RBFOX1: variants seen among roughly 807,000 people sequenced by gnomAD.
The protein encoded by RBFOX1 is RNA binding protein fox-1 homolog 1.
A neutral mutation model predicts 57.7 loss-of-function variants in RBFOX1; 8 were observed. The ratio of observed to expected loss-of-function variants is 0.14; its 90% confidence interval spans 0.08 to 0.25. The LOEUF (loss-of-function observed/expected upper bound fraction) is 0.25. Among genes scored for constraint, RBFOX1 ranks in the 10% least tolerant of loss-of-function variants. The pLI, the probability that RBFOX1 is intolerant of heterozygous loss-of-function variation, is 1.00. For synonymous variants in RBFOX1, 326 were observed against 222.4 expected, an observed-to-expected ratio of 1.47 and a Z score of -4.15; for missense variants, 611 against 548.5, an observed-to-expected ratio of 1.11 and a Z score of -1.14.
At chr16:5,452,649 CTT>C (rs886561170) in intron 1 of RBFOX1, among the ~76,000 whole-genome samples, 1 of 144,570 alleles carries the variant, frequency 6.9e-6, no homozygotes, top group African/African-American at 2.5e-5. Context: ...TAAACCTTGA[CTT>C]TTTTTTTTTT....
intron 1 of RBFOX1, among the ~76,000 whole-genome samples, chr16:5,306,904 A>G (rs1348394302): frequency 2.0e-5 from 3 of 152,212 alleles, no homozygotes; most frequent in Admixed American, 1.3e-4. Context: ...GGTCTAAGTC[A>G]AGGAGAATCA....
intron 4 of RBFOX1, among the ~76,000 whole-genome samples, chr16:7,353,900 A>G (rs932464240): frequency 1.3e-5 from 2 of 152,212 alleles, no homozygotes; most frequent in African/African-American, 4.8e-5. Flanking sequence ...AGAATTGTAC[A>G]ACTATCACCA....
chr16:6,083,734 C>A (rs879501417), intron 1 of RBFOX1, among the ~76,000 whole-genome samples: 4 of 152,168 alleles, frequency 2.6e-5, no homozygotes, highest in Non-Finnish European at 5.9e-5. Flanking sequence ...ACCTTGGCCT[C>A]CCAAAGTGCT....
At chr16:6,977,899 G>C (rs2087505062) in intron 3 of RBFOX1, among the ~76,000 whole-genome samples, 1 of 143,468 alleles carries the variant, frequency 7.0e-6, no homozygotes, top group African/African-American at 2.8e-5. Context: ...TCTCTAGGGA[G>C]ATCCCAAGAG....
intron 1 of RBFOX1, among the ~76,000 whole-genome samples, chr16:6,145,383 T>G (rs2096750090): frequency 6.6e-6 from 1 of 152,232 alleles, no homozygotes; most frequent in African/African-American, 2.4e-5. Flanking sequence ...TTTTAATGGC[T>G]GCATAGTATT....
At chr16:5,716,340 G>A (rs552885970) in intron 3 of RBFOX1, among the ~76,000 whole-genome samples, 1 of 152,190 alleles carries the variant, frequency 6.6e-6, no homozygotes, top group African/African-American at 2.4e-5. Context: ...TGTACAGATT[G>A]TTTCATCCCC....
At chr16:5,343,213 C>A (rs945371550) in intron 1 of RBFOX1, among the ~76,000 whole-genome samples, 2 of 150,654 alleles carry the variant, frequency 1.3e-5, no homozygotes, top group African/African-American at 4.9e-5. Flanking sequence ...GACATTGTTG[C>A]TTGATCAAAC....
At chr16:5,818,061 C>G (rs776187614) in intron 3 of RBFOX1, among the ~76,000 whole-genome samples, 1 of 152,104 alleles carries the variant, frequency 6.6e-6, no homozygotes, top group South Asian at 2.1e-4. Context: ...CAGTTTTAAG[C>G]AGGAGACAGG....
At chr16:5,331,363 T>C (rs2064752123) in intron 1 of RBFOX1, among the ~76,000 whole-genome samples, 1 of 152,234 alleles carries the variant, frequency 6.6e-6, no homozygotes, top group African/African-American at 2.4e-5. Context: ...TACTATGTTC[T>C]CTTGGATTGT....
intron 4 of RBFOX1, among the ~76,000 whole-genome samples, chr16:7,377,422 G>C (rs968234035): frequency 6.6e-6 from 1 of 152,182 alleles, no homozygotes; most frequent in Non-Finnish European, 1.5e-5. Flanking sequence ...CACAGGAAGA[G>C]TTTCTGAAGA....
At chr16:5,626,021 C>T (rs967621486) in intron 3 of RBFOX1, among the ~76,000 whole-genome samples, 1 of 152,182 alleles carries the variant, frequency 6.6e-6, no homozygotes, top group Non-Finnish European at 1.5e-5. Flanking sequence ...GGATTACAGG[C>T]ATGTGCCACC....
At chr16:6,156,531 A>C (rs184482165) in intron 1 of RBFOX1, among the ~76,000 whole-genome samples, 41 of 152,268 alleles carry the variant, frequency 2.7e-4, no homozygotes, top group African/African-American at 9.4e-4. Context: ...GAGAATGCTT[A>C]TTTTCTTTCT....
At chr16:7,623,223 G>C (rs2059577593) in intron 10 of RBFOX1, among the ~76,000 whole-genome samples, 1 of 152,176 alleles carries the variant, frequency 6.6e-6, no homozygotes, top group Non-Finnish European at 1.5e-5. Flanking sequence ...CACCCGGGTT[G>C]GGTTTTGTGG....
chr16:6,931,897 G>A (rs7197259), intron 3 of RBFOX1, among the ~76,000 whole-genome samples: 87,209 of 151,960 alleles, frequency 0.57, 27,189 homozygotes, highest in African/African-American at 0.83. Context: ...TGGCAAGAGC[G>A]CATGTGAGAG....
chr16:7,019,011 G>A (rs1306695652), intron 3 of RBFOX1, among the ~76,000 whole-genome samples: 1 of 151,926 alleles, frequency 6.6e-6, no homozygotes, highest in Non-Finnish European at 1.5e-5. Flanking sequence ...CAAAAAGAAA[G>A]CGTTCTTGTT....
chr16:5,929,834 A>G (rs1054683480), intron 4 of RBFOX1, among the ~76,000 whole-genome samples: 1 of 147,412 alleles, frequency 6.8e-6, no homozygotes, highest in Admixed American at 6.7e-5. Flanking sequence ...GGAGTAGGCT[A>G]GAAGGTAAGT....
intron 1 of RBFOX1, among the ~76,000 whole-genome samples, chr16:6,042,847 T>C (rs915417927): frequency 6.6e-6 from 1 of 152,124 alleles, no homozygotes; most frequent in Non-Finnish European, 1.5e-5. Context: ...CAGATCATAG[T>C]TGGATTCAAA....
At chr16:7,354,355 A>G (rs764086349) in intron 4 of RBFOX1, among the ~76,000 whole-genome samples, 2 of 152,200 alleles carry the variant, frequency 1.3e-5, no homozygotes, top group East Asian at 1.9e-4. Context: ...AATGTCATCA[A>G]ATTCTTTCTA....
At chr16:5,363,653 A>C (rs146718616) in intron 1 of RBFOX1, among the ~76,000 whole-genome samples, 2 of 151,858 alleles carry the variant, frequency 1.3e-5, no homozygotes, top group Admixed American at 1.3e-4. Flanking sequence ...ATGAATCATG[A>C]CCCTTCTTGC....
Sources: allele counts gnomAD v4.1 joint callset (sites outside exome capture counted in the v4.1 genomes callset), GRCh38; gene constraint gnomAD v4.1.1; transcripts MANE v1.5; gene names NCBI Gene and HGNC (gene_info 2026-07-23, HGNC 2026-07-21).